PTPRD: variants seen among roughly 807,000 people sequenced by gnomAD.
The protein encoded by PTPRD is receptor-type tyrosine-protein phosphatase delta.
In PTPRD, 34 loss-of-function variants were observed where a neutral mutation model predicts 214.5. That is an observed-to-expected ratio of 0.16 (90% CI 0.12 to 0.21). The LOEUF (loss-of-function observed/expected upper bound fraction) is 0.21. PTPRD is among the 10% of genes least tolerant of loss of function. PTPRD has a pLI of 1.00. For missense variants in PTPRD, 2,545 were observed against 2,398.7 expected, an observed-to-expected ratio of 1.06 and a Z score of -1.27; for synonymous variants, 1,128 against 845.7, an observed-to-expected ratio of 1.33 and a Z score of -5.79.
At chr9:8,551,041 T>C (rs1055679649) in intron 14 of PTPRD, among the ~76,000 whole-genome samples, 3 of 152,220 alleles carry the variant, frequency 2.0e-5, no homozygotes, top group Non-Finnish European at 4.4e-5. Flanking sequence ...GATACCATAA[T>C]GGCAAATCCC....
intron 9 of PTPRD, among the ~76,000 whole-genome samples, chr9:9,367,011 G>A: frequency 6.6e-6 from 1 of 151,114 alleles, no homozygotes; most frequent in East Asian, 2.0e-4. Flanking sequence ...ACAAATCTCA[G>A]GATATTGTAA....
chr9:10,091,181 G>C (rs1419124239), intron 3 of PTPRD, among the ~76,000 whole-genome samples: 1 of 151,442 alleles, frequency 6.6e-6, no homozygotes, highest in Non-Finnish European at 1.5e-5. Context: ...GAAATTATCA[G>C]AGGTATTCAA....
At chr9:9,714,453 C>T (rs2097784403) in intron 7 of PTPRD, among the ~76,000 whole-genome samples, 2 of 152,144 alleles carry the variant, frequency 1.3e-5, no homozygotes, top group African/African-American at 4.8e-5. Context: ...TTGGCATACA[C>T]ATATACAAAA....
chr9:10,138,611 C>G (rs2098959569), intron 3 of PTPRD, among the ~76,000 whole-genome samples: 1 of 151,744 alleles, frequency 6.6e-6, no homozygotes, highest in South Asian at 2.1e-4. Context: ...GACACAATAT[C>G]AGGACAATAT....
rs2087813782 is a variant in PTPRD, at chr9:9,574,748, A to G, written c.-253T>C. 6.6e-6 allele frequency: 1 copy of G among 152,108 alleles called. No homozygotes were observed. Among genetic ancestry groups the G allele is most frequent in the Admixed American group, 6.6e-5 (1 of 15,240 alleles). 9.4% of individuals were successfully genotyped at this position (152,108 alleles called of 1,614,324 possible). A position where few individuals can be genotyped will look rare whatever the true frequency, so the allele number is the denominator to read the frequency against. On this transcript the variant is annotated 5_prime_UTR_variant, in exon 8 of 46. Transcript: ENST00000381196. ...TAATCTTACCGTAAGCTCACAGGTTAGGAATTCGAAGAAAAAGTTCACCAC... is the reference window on the plus strand; with the variant it reads ...TAATCTTACCGTAAGCTCACAGGTTGGGAATTCGAAGAAAAAGTTCACCAC...
At chr9:10,130,173 ATTTTTTTT>A (rs71321226) in intron 3 of PTPRD, among the ~76,000 whole-genome samples, 1 of 143,842 alleles carries the variant, frequency 7.0e-6, no homozygotes, top group South Asian at 2.2e-4. Context: ...ACTCAAATCT[ATTTTTTTT>A]TTTTTTGGCT....
chr9:9,177,625 T>C (rs892054154), intron 10 of PTPRD, among the ~76,000 whole-genome samples: 4 of 152,160 alleles, frequency 2.6e-5, no homozygotes, highest in African/African-American at 7.2e-5. Context: ...TCCAAACTGA[T>C]GATCTTTTAA....
At position 8,341,646 on chromosome 9, in the gene PTPRD, C is replaced by G. The variant is rs560407635; in HGVS notation, c.4947+47G>C. 71 of 1,592,788 alleles carry G rather than the reference C, an allele frequency of 4.5e-5. No homozygotes were observed. In the South Asian group the frequency reaches 8.0e-4, roughly 18 times the overall value. ...GTAAAGCCACGACTCAAAGACAAACCCAGAATGACTTGCTCCTGAATAACC... is the reference window on the plus strand; with the variant it reads ...GTAAAGCCACGACTCAAAGACAAACGCAGAATGACTTGCTCCTGAATAACC... On this transcript the variant is annotated intron_variant, in intron 40 of 45. Coordinates refer to ENST00000381196, the MANE Select transcript of PTPRD (RefSeq NM_002839.4).
intron 11 of PTPRD, among the ~76,000 whole-genome samples, chr9:8,833,882 A>G (rs781623535): frequency 2.6e-5 from 4 of 151,944 alleles, no homozygotes; most frequent in African/African-American, 7.2e-5. Flanking sequence ...ATACTGTACC[A>G]TTTACAAAAA....
Position 10,094,610 on chromosome 9 carries a change from C to T in PTPRD, c.-544-60820G>A, listed in dbSNP as rs146069728. Among the ~76,000 whole-genome samples the T allele has an allele frequency of 2.8e-3, 389 of 140,312 alleles. 1 individual carries two copies. Among genetic ancestry groups the T allele is most frequent in the African/African-American group, 9.6e-3 (361 of 37,674 alleles). 92.1% of individuals were successfully genotyped at this position (140,312 alleles called of 152,430 possible). On this transcript the variant is annotated intron_variant, in intron 3 of 45. Transcript: ENST00000381196. Reference sequence around the variant, plus strand: ...AAACCCGTTATCTTATTTCCCATTTCGGACATTACCCACATCTGTCATATG... The same window carrying T: ...AAACCCGTTATCTTATTTCCCATTTTGGACATTACCCACATCTGTCATATG...
intron 5 of PTPRD, among the ~76,000 whole-genome samples, chr9:9,872,692 C>G (rs191795676): frequency 6.6e-6 from 1 of 152,058 alleles, no homozygotes; most frequent in Non-Finnish European, 1.5e-5. Flanking sequence ...TAGCACAGTG[C>G]CTGGTACCTT....
At chr9:10,253,085 G>A (rs2065072) in intron 3 of PTPRD, among the ~76,000 whole-genome samples, 88,171 of 151,970 alleles carry the variant, frequency 0.58, 27,469 homozygotes, top group East Asian at 0.73. Flanking sequence ...GCCTGGCCAC[G>A]TATTTTATTT....
intron 3 of PTPRD, among the ~76,000 whole-genome samples, chr9:10,289,059 A>G (rs1431411908): frequency 6.8e-6 from 1 of 147,834 alleles, no homozygotes; most frequent in Non-Finnish European, 1.5e-5. Context: ...TTTCTCTTTT[A>G]TATTCTCTGG....
At chr9:10,075,925 G>A (rs918574215) in intron 3 of PTPRD, among the ~76,000 whole-genome samples, 1 of 152,048 alleles carries the variant, frequency 6.6e-6, no homozygotes, top group Non-Finnish European at 1.5e-5. Flanking sequence ...CTTTAAAGAA[G>A]TCTTCACACT....
intron 3 of PTPRD, among the ~76,000 whole-genome samples, chr9:10,079,529 G>C (rs1228537893): frequency 2.0e-5 from 3 of 152,006 alleles, no homozygotes; most frequent in African/African-American, 4.8e-5. Context: ...CCATGCCACT[G>C]CACTGCCACA....
intron 5 of PTPRD, among the ~76,000 whole-genome samples, chr9:9,842,798 G>C (rs1240696314): frequency 6.6e-6 from 1 of 151,996 alleles, no homozygotes; most frequent in Admixed American, 6.6e-5. Context: ...GAAGAAAAGG[G>C]AATGTCTTTT....
In PTPRD at chr9:8,317,889, G is replaced by T. The variant is rs2130447865; in HGVS notation, c.5724C>A (p.Asp1908Glu). 1.9e-6 allele frequency: 3 copies of T among 1,612,194 alleles called. No individual in the cohort carries two copies. The highest frequency in any genetic ancestry group is 8.5e-7 in the Non-Finnish European group (1 of 1,178,718). The part of the protein sequence containing the change: ...RAALEYLGSF[D>E]HYAT The stretch of plus-strand genomic sequence containing the variant: ...TCAGGGGTTTCTACGTTGCATAGTG[G>T]TCAAAGCTGCCCAGGTACTCTAGTG... Residue 1908 changes from aspartate to glutamate, a missense_variant, in exon 46 of 46, where the codon GAC (aspartate) becomes GAA (glutamate). By Grantham distance (45) the Asp-to-Glu change is conservative. Coordinates refer to ENST00000381196, the MANE Select transcript of PTPRD (RefSeq NM_002839.4).
At chr9:10,012,302 G>T (rs932210908) in intron 4 of PTPRD, among the ~76,000 whole-genome samples, 61 of 151,608 alleles carry the variant, frequency 4.0e-4, no homozygotes, top group African/African-American at 1.4e-3. Context: ...AGGGGGTAGG[G>T]TCGGTGGAAG....
At chr9:9,123,295 AT>A (rs1415789953) in intron 10 of PTPRD, among the ~76,000 whole-genome samples, 1 of 152,208 alleles carries the variant, frequency 6.6e-6, no homozygotes, top group Non-Finnish European at 1.5e-5. Flanking sequence ...GAGCTAGGAC[AT>A]TTCTCTGAAA....
Sources: gnomAD v4.1 joint callset for allele counts (sites outside exome capture counted in the v4.1 genomes callset) on GRCh38, gnomAD v4.1.1 for gene constraint, MANE v1.5 for transcripts, NCBI Gene and HGNC (gene_info 2026-07-23, HGNC 2026-07-21) for gene names.